TMEFF1: variants seen among roughly 807,000 people sequenced by gnomAD.
TMEFF1 encodes the protein tomoregulin-1.
Under a neutral mutation model 47.5 loss-of-function variants are expected in TMEFF1, and 20 were observed. The ratio of observed to expected loss-of-function variants is 0.42; its 90% confidence interval spans 0.30 to 0.61. The LOEUF (loss-of-function observed/expected upper bound fraction) is 0.61. TMEFF1 is among the 20% of genes least tolerant of loss of function. The pLI, the probability that TMEFF1 is intolerant of heterozygous loss-of-function variation, is 0.19. For missense variants in TMEFF1, 411 were observed against 471.1 expected, an observed-to-expected ratio of 0.87 and a Z score of 1.18; for synonymous variants, 162 against 166.3, an observed-to-expected ratio of 0.97 and a Z score of 0.20.
At chr9:100,526,854 C>G (rs921640282) in intron 5 of TMEFF1, among the ~76,000 whole-genome samples, 2 of 148,024 alleles carry the variant, frequency 1.4e-5, no homozygotes, top group African/African-American at 5.0e-5. Flanking sequence ...GGTGCACATG[C>G]CTGTCAATGC....
intron 1 of TMEFF1, among the ~76,000 whole-genome samples, chr9:100,474,822 G>C (rs1837191876): frequency 6.6e-6 from 1 of 152,162 alleles, no homozygotes; most frequent in Non-Finnish European, 1.5e-5. Flanking sequence ...TGGAAACAAA[G>C]AGCTTGCTGA....
chr9:100,486,029 TTC>T (rs1197934406), intron 1 of TMEFF1, among the ~76,000 whole-genome samples: 5 of 151,814 alleles, frequency 3.3e-5, no homozygotes, highest in Non-Finnish European at 5.9e-5. Flanking sequence ...ACAGCTCAAT[TTC>T]TCTCTCTCTT....
chr9:100,514,240 G>C (rs1838022381), intron 4 of TMEFF1, among the ~76,000 whole-genome samples: 1 of 151,660 alleles, frequency 6.6e-6, no homozygotes, highest in South Asian at 2.1e-4. Flanking sequence ...TTTCAGAGTT[G>C]GAAGGGACTT....
At chr9:100,565,370 C>T (rs1247313502) in intron 8 of TMEFF1, among the ~76,000 whole-genome samples, 1 of 152,122 alleles carries the variant, frequency 6.6e-6, no homozygotes, top group Non-Finnish European at 1.5e-5. Context: ...TCCTCTATTG[C>T]TTCATCATAC....
At chr9:100,546,097 T>G (rs1243189081) in intron 5 of TMEFF1, among the ~76,000 whole-genome samples, 1 of 152,310 alleles carries the variant, frequency 6.6e-6, no homozygotes, top group African/African-American at 2.4e-5. Context: ...CAAAGTCACT[T>G]CCACATTTTC....
chr9:100,480,866 G>A (rs928838093), intron 1 of TMEFF1, among the ~76,000 whole-genome samples: 1 of 152,202 alleles, frequency 6.6e-6, no homozygotes, highest in Non-Finnish European at 1.5e-5. Context: ...GATTTCCACT[G>A]TACAAGGTGC....
At chr9:100,477,329 G>C (rs1837252958) in intron 1 of TMEFF1, among the ~76,000 whole-genome samples, 1 of 152,112 alleles carries the variant, frequency 6.6e-6, no homozygotes, top group Non-Finnish European at 1.5e-5. Context: ...AGATTTTCGA[G>C]CTTCTGCTGT....
At chr9:100,494,947 T>C (rs1837624258) in intron 1 of TMEFF1, among the ~76,000 whole-genome samples, 1 of 152,206 alleles carries the variant, frequency 6.6e-6, no homozygotes, top group Non-Finnish European at 1.5e-5. Context: ...AATCATCTGA[T>C]GTTAGTTGAT....
intron 7 of TMEFF1, among the ~76,000 whole-genome samples, chr9:100,555,183 ACACACACACACG>A (rs1295827722): frequency 6.6e-6 from 1 of 152,014 alleles, no homozygotes; most frequent in Non-Finnish European, 1.5e-5. Context: ...ACACACACAC[ACACACACACACG>A]CACACACATT....
At chr9:100,487,407 A>T (rs376653307) in intron 1 of TMEFF1, among the ~76,000 whole-genome samples, 2 of 152,122 alleles carry the variant, frequency 1.3e-5, no homozygotes, top group Non-Finnish European at 2.9e-5. Context: ...GCCTCAGGTG[A>T]TCTGCCTGCC....
In TMEFF1 at chr9:100,577,189, G is replaced by A. The variant is rs1031399311; in HGVS notation, c.*589G>A. On this transcript the variant is annotated 3_prime_UTR_variant, in exon 10 of 10. Transcript: ENST00000374879. ...CCTAATAATTTGAACAAATATGTTA[G>A]TAATGATGGAACAGATCAATGAAAA... 2 of 152,574 alleles carry A rather than the reference G, an allele frequency of 1.3e-5. No homozygotes were observed. The highest frequency in any genetic ancestry group is 1.5e-5 in the Non-Finnish European group (1 of 68,024). 9.5% of individuals were successfully genotyped at this position (152,574 alleles called of 1,614,324 possible).
chr9:100,522,884 G>A (rs368854905), intron 5 of TMEFF1, among the ~76,000 whole-genome samples: 13 of 152,146 alleles, frequency 8.5e-5, no homozygotes, highest in Admixed American at 2.0e-4. Context: ...ACAGGTGCCC[G>A]CCACCACACC....
At chr9:100,481,811 C>T (rs929998742) in intron 1 of TMEFF1, among the ~76,000 whole-genome samples, 4 of 152,134 alleles carry the variant, frequency 2.6e-5, no homozygotes, top group Admixed American at 2.6e-4. Context: ...GAGACGGAGT[C>T]TAGCTCTGTC....
rs1587832141 is a variant in TMEFF1, at chr9:100,516,685, G to A, written c.474G>A (p.Gly158=). The part of the protein sequence containing the change: ...GSGSGEGEEE[G]SGAEVHRKHS... ...TTTCTTTTTAAACAGAAGAGGAAGG[G>A]TCAGGGGCAGAAGTTCACAGAAAAC... The change falls in exon 5 of 10, where the codon GGG becomes GGA. Residue 158 remains glycine, a synonymous_variant. Transcript: ENST00000374879. 6.2e-7 allele frequency: 1 copy of A among 1,613,248 alleles called. No individual in the cohort carries two copies. Among genetic ancestry groups the A allele is most frequent in the East Asian group, 2.2e-5 (1 of 44,850 alleles).
intron 1 of TMEFF1, among the ~76,000 whole-genome samples, chr9:100,474,331 G>GCC (rs1233892833): frequency 2.6e-5 from 4 of 151,670 alleles, no homozygotes; most frequent in Admixed American, 2.6e-4. Context: ...CTGTGTGTGT[G>GCC]CGCGCGCGCG....
intron 7 of TMEFF1, among the ~76,000 whole-genome samples, chr9:100,556,884 C>T (rs1354042055): frequency 3.9e-5 from 6 of 152,012 alleles, no homozygotes. Context: ...CTCGCTCTGT[C>T]ACCTAGGCTG....
intron 5 of TMEFF1, among the ~76,000 whole-genome samples, chr9:100,527,248 C>T (rs113951466): frequency 0.25 from 38,445 of 152,074 alleles, 6,078 homozygotes; most frequent in Non-Finnish European, 0.34. Flanking sequence ...CCAAGATGGC[C>T]GAATAGGAAC....
chr9:100,567,095 T>C (rs1391599878), intron 8 of TMEFF1, among the ~76,000 whole-genome samples: 1 of 152,142 alleles, frequency 6.6e-6, no homozygotes, highest in East Asian at 1.9e-4. Flanking sequence ...TTCATCTCAC[T>C]AAGTGCAGAA....
At chr9:100,574,563 G>C (rs562996482) in intron 9 of TMEFF1, among the ~76,000 whole-genome samples, 41 of 151,712 alleles carry the variant, frequency 2.7e-4, no homozygotes, top group African/African-American at 9.7e-4. Context: ...TTTTTGTAGA[G>C]ACTGGGTTTG....
Sources: allele counts gnomAD v4.1 joint callset (sites outside exome capture counted in the v4.1 genomes callset), GRCh38; gene constraint gnomAD v4.1.1; transcripts MANE v1.5; gene names NCBI Gene and HGNC (gene_info 2026-07-23, HGNC 2026-07-21).